Variants in TBC1D14 observed in about 807,000 individuals in gnomAD.
TBC1D14 encodes the protein TBC1 domain family, member 14.
A neutral mutation model predicts 79.0 loss-of-function variants in TBC1D14; 26 were observed. The observed-to-expected ratio is 0.33, with a 90% CI of 0.24 to 0.46. The LOEUF (loss-of-function observed/expected upper bound fraction) is 0.46. TBC1D14 is among the 20% of genes least tolerant of loss of function. TBC1D14 has a pLI of 1.00. For missense variants in TBC1D14, 769 were observed against 887.6 expected, an observed-to-expected ratio of 0.87 and a Z score of 1.70; for synonymous variants, 394 against 349.9, an observed-to-expected ratio of 1.13 and a Z score of -1.40.
rs1441056386 is a variant in TBC1D14 at position 6,967,340 on chromosome 4, C to A, written c.759C>A (p.Asp253Glu). Reference protein sequence around the residue: ...LLARKQSARLDKHNDLGWKLF... With the variant: ...LLARKQSARLEKHNDLGWKLF... ...CTAGAAAACAAAGTGCAAGGCTTGA[C>A]AAACACAATGACTTGGGATGGAAGT... Residue 253 changes from aspartate (D) to glutamate (E), a missense_variant, in exon 3 of 14, where the codon GAC becomes GAA. Coordinates refer to ENST00000409757, the MANE Select transcript of TBC1D14 (RefSeq NM_020773.3). The A allele has an allele frequency of 1.2e-6, 2 of 1,613,950 alleles. No homozygotes were observed. Among genetic ancestry groups the A allele is most frequent in the Non-Finnish European group, 1.7e-6 (2 of 1,180,028 alleles).
chr4:6,987,368 C>A, intron 3 of TBC1D14: 1 of 1,418,604 alleles, frequency 7.0e-7, no homozygotes, highest in Non-Finnish European at 9.3e-7. Flanking sequence ...GGGTGCGGGC[C>A]GGTGCCTCTC....
At chr4:7,020,610 G>A (rs1432851039) in intron 12 of TBC1D14, among the ~76,000 whole-genome samples, 1 of 152,152 alleles carries the variant, frequency 6.6e-6, no homozygotes, top group African/African-American at 2.4e-5. Flanking sequence ...CTTCTTAATG[G>A]GTGAGACTAC....
At chr4:6,991,725 T>C (rs909569127) in intron 3 of TBC1D14, among the ~76,000 whole-genome samples, 9 of 151,662 alleles carry the variant, frequency 5.9e-5, no homozygotes, top group Admixed American at 5.9e-4. Context: ...CCCAGCATGG[T>C]CTAGGGTGGA....
intron 2 of TBC1D14, among the ~76,000 whole-genome samples, chr4:6,954,704 G>T (rs1004154633): frequency 6.6e-6 from 1 of 152,206 alleles, no homozygotes; most frequent in African/African-American, 2.4e-5. Context: ...AGGTTCACGC[G>T]ATTCTCCTGC....
chr4:6,971,560 T>G (rs974653271), intron 3 of TBC1D14, among the ~76,000 whole-genome samples: 1 of 152,208 alleles, frequency 6.6e-6, no homozygotes, highest in Admixed American at 6.5e-5. Flanking sequence ...TCATATTTTT[T>G]GTTAACCTCG....
intron 3 of TBC1D14, among the ~76,000 whole-genome samples, chr4:6,982,040 A>G (rs1043362938): frequency 6.6e-6 from 1 of 152,238 alleles, no homozygotes; most frequent in Non-Finnish European, 1.5e-5. Flanking sequence ...GGTAATGCAC[A>G]ATGGTACAGC....
rs543612005 is a variant in TBC1D14 at position 7,015,672 on chromosome 4, G to A, written c.1757+1115G>A. The stretch of plus-strand genomic sequence containing the variant: ...GGAGACCTGTGTGTGGAAGGGAGCA[G>A]CCTCTCAGATCACATGGTGGGAAGA... On this transcript the variant is annotated intron_variant, in intron 12 of 13. Coordinates refer to ENST00000409757, the MANE Select transcript of TBC1D14 (RefSeq NM_020773.3). Among the ~76,000 whole-genome samples the A allele has an allele frequency of 6.6e-5, 10 of 152,286 alleles. No individual in the cohort carries two copies. The East Asian group carries it at 1.9e-3, about 29-fold the overall frequency.
At chr4:7,013,084 A>G (rs1051490058) in intron 11 of TBC1D14, among the ~76,000 whole-genome samples, 1 of 152,222 alleles carries the variant, frequency 6.6e-6, no homozygotes, top group Non-Finnish European at 1.5e-5. Flanking sequence ...CCTAGGAATC[A>G]TAGCTTGTAT....
intron 2 of TBC1D14, among the ~76,000 whole-genome samples, chr4:6,964,111 G>A (rs1715489101): frequency 6.6e-6 from 1 of 151,036 alleles, no homozygotes; most frequent in Non-Finnish European, 1.5e-5. Context: ...TTTGATTTTT[G>A]ACATTAATTT....
intron 2 of TBC1D14, among the ~76,000 whole-genome samples, chr4:6,943,436 G>T (rs1361182140): frequency 6.6e-6 from 1 of 152,204 alleles, no homozygotes; most frequent in Non-Finnish European, 1.5e-5. Flanking sequence ...CCACCTGGAG[G>T]ATGAAGTCCA....
intron 11 of TBC1D14, 103 bp downstream of exon 11, chr4:7,010,884 CTG>C: frequency 1.4e-6 from 2 of 1,383,656 alleles, no homozygotes; most frequent in Non-Finnish European, 9.9e-7. Flanking sequence ...CATTTTCTCT[CTG>C]TGAAGAGATG....
At chr4:6,962,070 A>C (rs1172443747) in intron 2 of TBC1D14, among the ~76,000 whole-genome samples, 1 of 152,098 alleles carries the variant, frequency 6.6e-6, no homozygotes, top group African/African-American at 2.4e-5. Flanking sequence ...GAAAGAAGAA[A>C]TGGTTCTCCT....
chr4:7,004,525 T>C (rs928627409), intron 7 of TBC1D14, among the ~76,000 whole-genome samples: 14 of 152,214 alleles, frequency 9.2e-5, no homozygotes, highest in Admixed American at 9.2e-4. Context: ...CTTCACCGTC[T>C]TGCCCCAGGG....
At chr4:7,006,590 G>C in intron 8 of TBC1D14, 42 bp from the exon 9 acceptor site, 1 of 1,556,870 alleles carries the variant, frequency 6.4e-7, no homozygotes, top group East Asian at 2.2e-5. Context: ...TCCTACATTC[G>C]TGCCCTTGAG....
At chr4:6,915,343 G>A (rs1344889024) in intron 1 of TBC1D14, among the ~76,000 whole-genome samples, 2 of 152,192 alleles carry the variant, frequency 1.3e-5, no homozygotes, top group South Asian at 2.1e-4. Flanking sequence ...AACCCCCTGC[G>A]ACCGGGGTAG....
chr4:6,932,362 C>A (rs967474577), intron 2 of TBC1D14, among the ~76,000 whole-genome samples: 1 of 122,422 alleles, frequency 8.2e-6, no homozygotes, highest in East Asian at 2.5e-4. Flanking sequence ...CAGAGCAAGA[C>A]TCTGTCTGGA....
rs753108419 is a variant in TBC1D14, at chr4:6,924,129, C to A, written c.722+18C>A. The A allele has an allele frequency of 7.5e-6, 12 of 1,600,236 alleles. No individual in the cohort carries two copies. The Admixed American group carries it at 1.9e-4, about 25-fold the overall frequency. ...TTTGCAAGGTAATGCCATCTTTGCC[C>A]TCTAGAAGATCGTGGTGGTTGAGTC... On this transcript the variant is annotated intron_variant, in intron 2 of 13. Transcript: ENST00000409757.
At chr4:6,969,249 A>C (rs138788700) in intron 3 of TBC1D14, among the ~76,000 whole-genome samples, 1 of 152,240 alleles carries the variant, frequency 6.6e-6, no homozygotes, top group Non-Finnish European at 1.5e-5. Flanking sequence ...AAGCTTAGCT[A>C]TAAATTTCTT....
rs143908356 is a variant in TBC1D14, at chr4:6,990,374, G to A, written c.844-3810G>A. ...TGAGGCAGGAGAATCGCTTGAACCC[G>A]GGAGGCAGAGGTTGCAGTGAGCCAA... On this transcript the variant is annotated intron_variant, in intron 3 of 13. Coordinates refer to ENST00000409757, the MANE Select transcript of TBC1D14 (RefSeq NM_020773.3). 4.2e-3 allele frequency among the ~76,000 whole-genome samples: 640 copies of A among 152,310 alleles called. 5 individuals carry two copies. The highest frequency in any genetic ancestry group is 0.014 in the African/African-American group (586 of 41,554).
Sources: allele counts gnomAD v4.1 joint callset (sites outside exome capture counted in the v4.1 genomes callset), GRCh38; gene constraint gnomAD v4.1.1; transcripts MANE v1.5; gene names NCBI Gene and HGNC (gene_info 2026-07-23, HGNC 2026-07-21).